MSI2: variants seen among roughly 807,000 people sequenced by gnomAD.
MSI2 encodes the protein RNA-binding protein Musashi homolog 2.
A neutral mutation model predicts 45.6 loss-of-function variants in MSI2; 17 were observed. The ratio of observed to expected loss-of-function variants is 0.37; its 90% CI spans 0.26 to 0.56. MSI2 has a LOEUF of 0.56. MSI2 is among the 20% of genes least tolerant of loss of function. The pLI, the probability that MSI2 is intolerant of heterozygous loss-of-function variation, is 0.77. For synonymous variants in MSI2, 156 were observed against 158.2 expected (o/e 0.99, Z 0.11); for missense variants, 293 against 444.2 (o/e 0.66, Z 3.06).
At chr17:57,304,511 C>G (rs1362557881) in intron 5 of MSI2, among the ~76,000 whole-genome samples, 9 of 150,700 alleles carry the variant, frequency 6.0e-5, no homozygotes, top group Admixed American at 6.6e-5. Flanking sequence ...CAGCCTCCAC[C>G]TCCCCGGTTC....
intron 6 of MSI2, among the ~76,000 whole-genome samples, chr17:57,460,667 G>T (rs941876195): frequency 6.6e-6 from 1 of 152,094 alleles, no homozygotes; most frequent in Non-Finnish European, 1.5e-5. Context: ...AAAGGGAGGC[G>T]AGGAACCATG....
intron 6 of MSI2, among the ~76,000 whole-genome samples, chr17:57,408,723 A>G (rs932543779): frequency 1.3e-5 from 2 of 152,176 alleles, no homozygotes. Flanking sequence ...CCCTAGATGT[A>G]GTTCAGTGGG....
At chr17:57,585,365 G>A (rs2088318468) in intron 7 of MSI2, among the ~76,000 whole-genome samples, 1 of 152,204 alleles carries the variant, frequency 6.6e-6, no homozygotes, top group East Asian at 1.9e-4. Context: ...GATAGGAGGG[G>A]CTAGCTATCT....
chr17:57,470,022 C>A lies in MSI2; in HGVS notation c.406-59654C>A, dbSNP rs1205845064. ...CTCTCCCCTTTCTCTGGCTTAATGC[C>A]TTTTCATCCTCCAGGACCCAGCTCA... On this transcript the variant is annotated intron_variant, in intron 6 of 13. Transcript: ENST00000284073. Among the ~76,000 whole-genome samples, 3 of 152,164 alleles carry A rather than the reference C, an allele frequency of 2.0e-5. No homozygotes were observed. In the East Asian group the frequency reaches 5.8e-4, roughly 29 times the overall value.
intron 7 of MSI2, among the ~76,000 whole-genome samples, chr17:57,534,857 G>C (rs4793865): frequency 0.94 from 142,533 of 152,218 alleles, 66,830 homozygotes; most frequent in East Asian, 1. Context: ...TTCATTTGCT[G>C]TCTAAAAGTT....
At chr17:57,580,663 A>G (rs971693685) in intron 7 of MSI2, among the ~76,000 whole-genome samples, 1 of 152,098 alleles carries the variant, frequency 6.6e-6, no homozygotes, top group African/African-American at 2.4e-5. Flanking sequence ...ATGCCTGGAT[A>G]CCCCTGTAAT....
chr17:57,394,302 G>A (rs940279855), intron 5 of MSI2, among the ~76,000 whole-genome samples: 11 of 152,134 alleles, frequency 7.2e-5, no homozygotes, highest in African/African-American at 2.2e-4. Context: ...CACTCCATAC[G>A]CTGTTTGATT....
chr17:57,424,126 C>T (rs1383021094), intron 6 of MSI2, among the ~76,000 whole-genome samples: 1 of 152,194 alleles, frequency 6.6e-6, no homozygotes, highest in Non-Finnish European at 1.5e-5. Context: ...ACCCTGAACT[C>T]TCCGAATGTT....
intron 7 of MSI2, among the ~76,000 whole-genome samples, chr17:57,535,622 G>A (rs2086905029): frequency 6.6e-6 from 1 of 152,228 alleles, no homozygotes; most frequent in Non-Finnish European, 1.5e-5. Flanking sequence ...CACTGGAAGG[G>A]GGTGGGATGG....
intron 8 of MSI2, among the ~76,000 whole-genome samples, chr17:57,605,034 T>C (rs926249435): frequency 1.3e-5 from 2 of 152,324 alleles, no homozygotes; most frequent in Admixed American, 1.3e-4. Context: ...GTAGCATCAT[T>C]CTCACTCGTA....
chr17:57,301,568 AC>A (rs1308960831), intron 5 of MSI2, among the ~76,000 whole-genome samples: 1 of 152,208 alleles, frequency 6.6e-6, no homozygotes, highest in East Asian at 1.9e-4. Flanking sequence ...CCTGCTTTTC[AC>A]CCTTGTATTA....
At chr17:57,466,257 G>T (rs1335144971) in intron 6 of MSI2, among the ~76,000 whole-genome samples, 2 of 152,220 alleles carry the variant, frequency 1.3e-5, no homozygotes, top group East Asian at 3.9e-4. Flanking sequence ...AAAGGCCAGG[G>T]CCTGAGAATT....
chr17:57,380,198 G>A (rs1342440716), intron 5 of MSI2, among the ~76,000 whole-genome samples: 1 of 152,102 alleles, frequency 6.6e-6, no homozygotes, highest in African/African-American at 2.4e-5. Context: ...ATGTCTTTGT[G>A]GAGCCACCCA....
In MSI2 at chr17:57,319,018, A is replaced by T. The variant is rs114618317; in HGVS notation, c.312+56826A>T. Among the ~76,000 whole-genome samples the T allele has an allele frequency of 9.9e-3, 1,507 of 152,306 alleles. 25 individuals are homozygous for T. The highest frequency in any genetic ancestry group is 0.035 in the African/African-American group (1,438 of 41,558). On this transcript the variant is annotated intron_variant, in intron 5 of 13. Coordinates refer to ENST00000284073, the MANE Select transcript of MSI2 (RefSeq NM_138962.4). The stretch of plus-strand genomic sequence containing the variant: ...TTAGGTGTGTGGGCCCTGAAAGGAC[A>T]ACTTTTGTGCCCACTGGAAAGTGTG...
intron 9 of MSI2, among the ~76,000 whole-genome samples, chr17:57,623,391 A>T (rs1258384656): frequency 1.3e-5 from 2 of 152,180 alleles, no homozygotes; most frequent in Non-Finnish European, 2.9e-5. Context: ...CCCGTCTAGA[A>T]GGGAAACATC....
intron 7 of MSI2, among the ~76,000 whole-genome samples, chr17:57,535,213 CCTT>C (rs1288329781): frequency 6.6e-6 from 1 of 152,224 alleles, no homozygotes; most frequent in Non-Finnish European, 1.5e-5. Context: ...ACACTCACCT[CCTT>C]ATGGGGGAAG....
rs2086768223 is a variant in MSI2, at chr17:57,529,182, T to A, written c.406-494T>A. 6.6e-6 allele frequency among the ~76,000 whole-genome samples: 1 copy of A among 152,122 alleles called. No individual in the cohort carries two copies. Among genetic ancestry groups the A allele is most frequent in the African/African-American group, 2.4e-5 (1 of 41,418 alleles). On this transcript the variant is annotated intron_variant, in intron 6 of 13. Transcript: ENST00000284073. The surrounding 1 kb of genome is among the most constrained non-coding windows in gnomAD (Gnocchi z 5.3). Reference sequence around the variant, plus strand: ...CTGGAGCAGTGGCTCACACCTATAATCTCAGCGCTTTGAAAGGCTGCTGCA... The same window carrying A: ...CTGGAGCAGTGGCTCACACCTATAAACTCAGCGCTTTGAAAGGCTGCTGCA...
intron 6 of MSI2, among the ~76,000 whole-genome samples, chr17:57,477,644 T>C (rs1410049485): frequency 6.6e-6 from 1 of 152,172 alleles, no homozygotes; most frequent in Non-Finnish European, 1.5e-5. Flanking sequence ...GCTTATGCAT[T>C]GATGCAAAAT....
intron 5 of MSI2, among the ~76,000 whole-genome samples, chr17:57,368,078 C>G (rs1385215831): frequency 6.6e-6 from 1 of 152,168 alleles, no homozygotes. Context: ...CCTGGGCATT[C>G]CTGATAACCT....
Sources: gnomAD v4.1 joint callset for allele counts (sites outside exome capture counted in the v4.1 genomes callset) on GRCh38, gnomAD v4.1.1 for gene constraint, Gnocchi (gnomAD v3.1) non-coding constraint, MANE v1.5 for transcripts, NCBI Gene and HGNC (gene_info 2026-07-23, HGNC 2026-07-21) for gene names.